The following CRMP1 variants were observed in gnomAD, a reference collection of about 807,000 sequenced individuals.
CRMP1 encodes dihydropyrimidinase-related protein 1.
Under a neutral mutation model 68.3 loss-of-function variants are expected in CRMP1, and 19 were observed. The ratio of observed to expected loss-of-function variants is 0.28; its 90% CI spans 0.19 to 0.41. CRMP1 has a LOEUF of 0.41. CRMP1 is among the 10% of genes least tolerant of loss of function. The probability of loss-of-function intolerance (pLI) is 1.00; values close to 1 mark genes in which losing one functional copy is unlikely to be tolerated. For synonymous variants in CRMP1, 439 were observed against 399.6 expected (o/e 1.10, Z -1.18); for missense variants, 791 against 967.4 (o/e 0.82, Z 2.42).
intron 11 of CRMP1, among the ~76,000 whole-genome samples, chr4:5,832,004 A>G (rs1173129581): frequency 6.6e-6 from 1 of 152,240 alleles, no homozygotes; most frequent in African/African-American, 2.4e-5. Context: ...CATCAAAGGA[A>G]CATGGTACCC....
Position 5,865,205 on chromosome 4 carries a change from G to T in CRMP1, c.470+1463C>A, listed in dbSNP as rs569761304. Among the ~76,000 whole-genome samples the T allele has an allele frequency of 5.9e-5, 9 of 152,130 alleles. No homozygotes were observed. The East Asian group carries it at 1.8e-3, about 30-fold the overall frequency. ...TTTCCTTCTTGTGCCAGCCACTCAT[G>T]CTGGATCCTTAAACAGTGTCCTTCT... On this transcript the variant is annotated intron_variant, in intron 2 of 13. Transcript: ENST00000324989. This position sits in a 1 kb window ranked among gnomAD's most constrained non-coding sequence, Gnocchi z 4.1.
Position 5,888,201 on chromosome 4 carries a change from G to T in CRMP1, c.381+4388C>A. ...ACTCCCAGCCCACAAAGGCCAGCGC[G>T]GGGCGGCGGGGGCGGGGGCCGCTTA... On this transcript the variant is annotated intron_variant, in intron 1 of 13. Transcript: ENST00000324989. This position sits in a 1 kb window ranked among gnomAD's most constrained non-coding sequence, Gnocchi z 6.4. The T allele has an allele frequency of 8.0e-7, 1 of 1,256,366 alleles. No individual in the cohort carries two copies. The highest frequency in any genetic ancestry group is 1.0e-6 in the Non-Finnish European group (1 of 997,148). The allele number at this position is 1,256,366 out of a possible 1,614,324, so 77.8% of individuals were successfully genotyped here.
At chr4:5,828,772 TG>T (rs1720084343) in intron 11 of CRMP1, 104 bp from the exon 12 acceptor site, 2 of 1,350,390 alleles carry the variant, frequency 1.5e-6, no homozygotes, top group African/African-American at 1.5e-5. Flanking sequence ...CGTGTTCCAA[TG>T]TTTTTTTTTC....
chr4:5,821,452 G>A lies in CRMP1; in HGVS notation c.*308C>T, dbSNP rs1218583432. 4 of 382,430 alleles carry A rather than the reference G, an allele frequency of 1.0e-5. No homozygotes were observed. In the East Asian group the frequency reaches 1.2e-4, roughly 11 times the overall value. 23.7% of individuals were successfully genotyped at this position (382,430 alleles called of 1,614,324 possible). On this transcript the variant is annotated 3_prime_UTR_variant, in exon 14 of 14. Transcript: ENST00000324989. The surrounding 1 kb of genome is among the most constrained non-coding windows in gnomAD (Gnocchi z 4.4). ...CACCACTCAGAGAATCATGGAGCCA[G>A]TGGAGTTAGAAGTGGAAGGGACAGA...
At chr4:5,827,363 C>G (rs144334370) in intron 12 of CRMP1, among the ~76,000 whole-genome samples, 1,936 of 152,250 alleles carry the variant, frequency 0.013, 19 homozygotes, top group Non-Finnish European at 0.02. Flanking sequence ...TCCACCCCAT[C>G]CCTTGTTTCC....
At chr4:5,836,682 G>A in intron 10 of CRMP1, 83 bp downstream of exon 10, 1 of 1,601,902 alleles carries the variant, frequency 6.2e-7, no homozygotes, top group East Asian at 2.2e-5. Flanking sequence ...GAACTTTTAA[G>A]AACCCAGCGT....
intron 12 of CRMP1, chr4:5,826,884 C>G (rs1719714069): frequency 6.5e-6 from 1 of 152,856 alleles, no homozygotes; most frequent in Non-Finnish European, 1.5e-5. Context: ...AGTTTAAAGA[C>G]CCAGCACCTG....
At chr4:5,856,921 C>CCACCAT (rs1713126414) in intron 3 of CRMP1, among the ~76,000 whole-genome samples, 81 of 151,222 alleles carry the variant, frequency 5.4e-4, no homozygotes, top group African/African-American at 1.7e-3. Flanking sequence ...ATCACCACCA[C>CCACCAT]CACCACCATC....
intron 1 of CRMP1, among the ~76,000 whole-genome samples, chr4:5,874,758 G>A (rs1714692791): frequency 6.6e-6 from 1 of 151,528 alleles, no homozygotes; most frequent in South Asian, 2.1e-4. Flanking sequence ...GGAAGGAGGA[G>A]GAAAGAAAGG....
chr4:5,869,125 AT>A (rs1225783392), intron 1 of CRMP1, among the ~76,000 whole-genome samples: 61 of 151,578 alleles, frequency 4.0e-4, no homozygotes, highest in Admixed American at 4.0e-3. Context: ...GCTAATTTAA[AT>A]TTTTTTTGTA....
intron 1 of CRMP1, among the ~76,000 whole-genome samples, chr4:5,871,600 C>T (rs6818998): frequency 0.14 from 21,415 of 151,978 alleles, 1,985 homozygotes; most frequent in African/African-American, 0.26. Flanking sequence ...AAGGAGGTTG[C>T]AGTGAGCCGA....
In CRMP1 at chr4:5,877,342, C is replaced by T. The variant is rs764959630; in HGVS notation, c.382-10586G>A. On this transcript the variant is annotated intron_variant, in intron 1 of 13. Transcript: ENST00000324989. The surrounding 1 kb of genome is among the most constrained non-coding windows in gnomAD (Gnocchi z 4.3). ...CGTAAAGGTTCTGTGCTGGGAGCCA[C>T]AGGGGTTGCTGCATAAGAGGTTTTA... 1.1e-4 allele frequency among the ~76,000 whole-genome samples: 17 copies of T among 152,356 alleles called. No homozygotes were observed. Among genetic ancestry groups the T allele is most frequent in the Non-Finnish European group, 2.4e-4 (16 of 68,040 alleles).
chr4:5,893,054 G>C lies in CRMP1; in HGVS notation c.-85C>G, dbSNP rs1158670961. ...CGCCGTGCGCCGCGCTCCGCGCCTC[G>C]GTGCGGGCCTGCGGCGGCCCGGGCG... On this transcript the variant is annotated 5_prime_UTR_variant, in exon 1 of 14. Transcript: ENST00000324989. 2 of 928,252 alleles carry C rather than the reference G, an allele frequency of 2.2e-6. No homozygotes were observed. The highest frequency in any genetic ancestry group is 1.8e-5 in the African/African-American group (1 of 55,654). The allele number at this position is 928,252 out of a possible 1,614,324, so 57.5% of individuals were successfully genotyped here.
At chr4:5,824,653 ATAACATCCTAGATGT>A in intron 13 of CRMP1, 1 of 935,644 alleles carries the variant, frequency 1.1e-6, no homozygotes, top group African/African-American at 2.2e-5. Context: ...GCTATTGAAT[ATAACATCCTAGATGT>A]TGACATCCTA....
chr4:5,861,181 C>G lies in CRMP1; in HGVS notation c.500G>C (p.Gly167Ala). ...GTTGGCTTCAATGGTCTTCACTCCA[C>G]CAGGAACGATTAAGTTCTCTCCTAT... ...KQIGENLIVP[G>A]GVKTIEANGR... Residue 167 changes from glycine to alanine, a missense_variant, in exon 3 of 14, where the codon GGT (glycine) becomes GCT (alanine). This residue lies in a region of CRMP1 where 594 missense variants were observed against 763.6 expected (regional missense o/e 0.78). Transcript: ENST00000324989. This position sits in a 1 kb window ranked among gnomAD's most constrained non-coding sequence, Gnocchi z 6.0. The G allele has an allele frequency of 1.9e-6, 3 of 1,614,128 alleles. No homozygotes were observed. The highest frequency in any genetic ancestry group is 2.5e-6 in the Non-Finnish European group (3 of 1,179,996).
intron 4 of CRMP1, among the ~76,000 whole-genome samples, chr4:5,852,203 G>A (rs567314494): frequency 6.6e-6 from 1 of 152,350 alleles, no homozygotes; most frequent in African/African-American, 2.4e-5. Flanking sequence ...GACATCAACA[G>A]TGACAGCTGC....
Position 5,858,214 on chromosome 4 carries a change from T to A in CRMP1, c.656-1907A>T, listed in dbSNP as rs898297661. ...TTCTTTGGCTGCCGCTTCTCAATCA[T>A]CCTGAGGACTCCATCCCCTACTGTT... On this transcript the variant is annotated intron_variant, in intron 3 of 13. Transcript: ENST00000324989. The surrounding 1 kb of genome is among the most constrained non-coding windows in gnomAD (Gnocchi z 5.5). 6.6e-6 allele frequency among the ~76,000 whole-genome samples: 1 copy of A among 152,040 alleles called. No homozygotes were observed. Among genetic ancestry groups the A allele is most frequent in the Admixed American group, 6.6e-5 (1 of 15,262 alleles).
At position 5,865,347 on chromosome 4, in the gene CRMP1, C is replaced by T. The variant is rs1476084165; in HGVS notation, c.470+1321G>A. ...CAGTAAAATGTTAAGGCCAGCCAGG[C>T]GCGATGGCTCACACCTGTAATCCCA... On this transcript the variant is annotated intron_variant, in intron 2 of 13. Coordinates refer to ENST00000324989, the MANE Select transcript of CRMP1 (RefSeq NM_001014809.3). The surrounding 1 kb of genome is among the most constrained non-coding windows in gnomAD (Gnocchi z 4.1). Among the ~76,000 whole-genome samples the T allele has an allele frequency of 6.6e-6, 1 of 152,218 alleles. No individual in the cohort carries two copies. The highest frequency in any genetic ancestry group is 1.5e-5 in the Non-Finnish European group (1 of 68,002).
Position 5,858,084 on chromosome 4 carries a change from T to A in CRMP1, c.656-1777A>T, listed in dbSNP as rs1455922056. Among the ~76,000 whole-genome samples the A allele has an allele frequency of 6.6e-6, 1 of 152,160 alleles. No individual in the cohort carries two copies. The highest frequency in any genetic ancestry group is 1.5e-5 in the Non-Finnish European group (1 of 68,038). On this transcript the variant is annotated intron_variant, in intron 3 of 13. Transcript: ENST00000324989. This position sits in a 1 kb window ranked among gnomAD's most constrained non-coding sequence, Gnocchi z 5.5. Reference sequence around the variant, plus strand: ...TGGGGAGCATGCAGTCCTCAGTCTCTTGGCCTCTCAGGGCACAGAGAGTCC... The same window carrying A: ...TGGGGAGCATGCAGTCCTCAGTCTCATGGCCTCTCAGGGCACAGAGAGTCC...
Sources: allele counts gnomAD v4.1 joint callset (sites outside exome capture counted in the v4.1 genomes callset), GRCh38; gene constraint gnomAD v4.1.1; regional missense constraint gnomAD v4.1.1; non-coding constraint Gnocchi (gnomAD v3.1); transcripts MANE v1.5; gene names NCBI Gene and HGNC (gene_info 2026-07-23, HGNC 2026-07-21).